The following GRIK2 variants were observed in gnomAD, a reference collection of about 807,000 sequenced individuals.
The protein encoded by GRIK2 is glutamate receptor ionotropic, kainate 2.
A neutral mutation model predicts 100.3 loss-of-function variants in GRIK2; 32 were observed. The observed-to-expected ratio is 0.32, with a 90% CI of 0.24 to 0.43. The LOEUF (loss-of-function observed/expected upper bound fraction) is 0.43. Among genes scored for constraint, GRIK2 ranks in the 20% least tolerant of loss-of-function variants. The pLI, the probability that GRIK2 is intolerant of heterozygous loss-of-function variation, is 1.00. For synonymous variants in GRIK2, 417 were observed against 389.4 expected (o/e 1.07, Z -0.83); for missense variants, 843 against 1,114.9 (o/e 0.76, Z 3.47).
In GRIK2 at chr6:101,506,859, GT is replaced by G. The variant is rs139809070; in HGVS notation, c.115+107468del. Among the ~76,000 whole-genome samples, 243 of 152,220 alleles carry G rather than the reference GT, an allele frequency of 1.6e-3. 1 individual carries two copies. The highest frequency in any genetic ancestry group is 5.6e-3 in the African/African-American group (233 of 41,556). The stretch of plus-strand genomic sequence containing the variant: ...AGGGTTTTATATCAACTTAACCATT[GT>G]GCAAATTTGAGTTTTATCTAAATCA... On this transcript the variant is annotated intron_variant, in intron 2 of 16. Coordinates refer to ENST00000369134, the MANE Select transcript of GRIK2 (RefSeq NM_021956.5).
intron 15 of GRIK2, among the ~76,000 whole-genome samples, chr6:102,045,906 A>G (rs900327680): frequency 6.6e-6 from 1 of 152,096 alleles, no homozygotes; most frequent in Non-Finnish European, 1.5e-5. Flanking sequence ...AAATACATAC[A>G]GTGGCTGCAT....
Position 101,621,997 on chromosome 6 carries a change from T to G in GRIK2, c.164T>G (p.Leu55Arg), listed in dbSNP as rs1443467262. ...VESGPMGAEE[L>R]AFRFAVNTIN... ...TCTGGCCCAATGGGAGCTGAGGAAC[T>G]TGCATTCAGATTTGCTGTGAACACA... The change falls in exon 3 of 17, where the codon CTT becomes CGT. Residue 55 changes from leucine to arginine, a missense_variant. Physicochemically the swap from Leu to Arg is moderately radical, Grantham distance 102. Transcript: ENST00000369134. The G allele has an allele frequency of 6.2e-7, 1 of 1,609,968 alleles. No individual in the cohort carries two copies. Among genetic ancestry groups the G allele is most frequent in the Non-Finnish European group, 8.5e-7 (1 of 1,176,384 alleles).
At chr6:102,014,095 G>A (rs1420500848) in intron 14 of GRIK2, among the ~76,000 whole-genome samples, 1 of 82,074 alleles carries the variant, frequency 1.2e-5, no homozygotes, top group African/African-American at 3.5e-5. Flanking sequence ...ACTTATTACT[G>A]ATTAAATTTT....
chr6:101,494,376 T>C (rs541704266), intron 2 of GRIK2, among the ~76,000 whole-genome samples: 1 of 151,686 alleles, frequency 6.6e-6, no homozygotes, highest in South Asian at 2.1e-4. Flanking sequence ...ATAAATTAAA[T>C]TTAAAAGAGT....
chr6:101,870,974 A>C (rs1785378211), intron 11 of GRIK2, among the ~76,000 whole-genome samples: 1 of 151,858 alleles, frequency 6.6e-6, no homozygotes, highest in East Asian at 1.9e-4. Context: ...AATCCTGCAA[A>C]ATAAACATAC....
intron 2 of GRIK2, among the ~76,000 whole-genome samples, chr6:101,459,703 G>T (rs1421183626): frequency 6.6e-6 from 1 of 151,908 alleles, no homozygotes; most frequent in Non-Finnish European, 1.5e-5. Context: ...AAATATAAAG[G>T]CTCACTCTAG....
chr6:102,006,392 T>TA (rs1562105606), intron 14 of GRIK2, among the ~76,000 whole-genome samples: 1,654 of 96,178 alleles, frequency 0.017, 22 homozygotes, highest in East Asian at 0.068. Context: ...ATATATATAT[T>TA]TTTTTTTTTT....
At chr6:101,845,700 T>A (rs929460680) in intron 10 of GRIK2, among the ~76,000 whole-genome samples, 1 of 152,216 alleles carries the variant, frequency 6.6e-6, no homozygotes, top group South Asian at 2.1e-4. Context: ...CTGAGTTTTA[T>A]GGTAATTCCA....
At chr6:101,839,145 A>C (rs977100083) in intron 10 of GRIK2, among the ~76,000 whole-genome samples, 8 of 152,056 alleles carry the variant, frequency 5.3e-5, no homozygotes, top group Admixed American at 2.6e-4. Flanking sequence ...GTGCCTACAA[A>C]CTTTTAGCAA....
chr6:101,761,502 T>C (rs1488804899), intron 7 of GRIK2, among the ~76,000 whole-genome samples: 1 of 152,134 alleles, frequency 6.6e-6, no homozygotes. Flanking sequence ...ATAGCACACA[T>C]GCTCTATCTC....
chr6:101,527,484 T>G (rs990764139), intron 2 of GRIK2, among the ~76,000 whole-genome samples: 4 of 152,172 alleles, frequency 2.6e-5, no homozygotes, highest in Non-Finnish European at 5.9e-5. Context: ...TCATGAGATA[T>G]TTGGAACTAA....
chr6:101,921,022 A>G (rs183547552), intron 12 of GRIK2, among the ~76,000 whole-genome samples: 5 of 152,182 alleles, frequency 3.3e-5, no homozygotes, highest in Admixed American at 6.6e-5. Context: ...GACAGCCTGA[A>G]CTAGTATAGT....
At chr6:101,405,274 C>T (rs947424621) in intron 2 of GRIK2, among the ~76,000 whole-genome samples, 5 of 151,806 alleles carry the variant, frequency 3.3e-5, no homozygotes, top group African/African-American at 1.2e-4. Context: ...TTCTTCAAAC[C>T]TTTATCATAT....
chr6:101,468,527 A>G (rs1156314644), intron 2 of GRIK2, among the ~76,000 whole-genome samples: 1 of 152,054 alleles, frequency 6.6e-6, no homozygotes, highest in Non-Finnish European at 1.5e-5. Context: ...GTTAGGTTAA[A>G]AAAAAAAAGT....
chr6:101,474,002 C>G (rs1309731846), intron 2 of GRIK2, among the ~76,000 whole-genome samples: 2 of 151,820 alleles, frequency 1.3e-5, no homozygotes, highest in Admixed American at 6.6e-5. Context: ...AGCCACATGT[C>G]TCATTACCTA....
chr6:101,907,326 C>T (rs544487844), intron 12 of GRIK2, among the ~76,000 whole-genome samples: 15 of 151,482 alleles, frequency 9.9e-5, no homozygotes, highest in East Asian at 3.9e-4. Context: ...TGATTAAAAA[C>T]GATAAAAGTG....
Position 102,068,303 on chromosome 6 carries a change from T to C in GRIK2, c.2563-44T>C, listed in dbSNP as rs773741085. The C allele has an allele frequency of 5.1e-6, 7 of 1,386,060 alleles. No individual in the cohort carries two copies. The South Asian group carries it at 8.5e-5, about 17-fold the overall frequency. 85.9% of individuals were successfully genotyped at this position (1,386,060 alleles called of 1,614,324 possible). ...TAATATTGATCTTGGACAGTTACAGTTTATGTATCTTGTAATATTTAATTT... is the reference window on the plus strand; with the variant it reads ...TAATATTGATCTTGGACAGTTACAGCTTATGTATCTTGTAATATTTAATTT... On this transcript the variant is annotated intron_variant, in intron 16 of 16. Coordinates refer to ENST00000369134, the MANE Select transcript of GRIK2 (RefSeq NM_021956.5).
intron 2 of GRIK2, among the ~76,000 whole-genome samples, chr6:101,515,522 C>CTGCTGGGA (rs1774541688): frequency 6.6e-6 from 1 of 152,150 alleles, no homozygotes; most frequent in South Asian, 2.1e-4. Context: ...TACTAGTTTA[C>CTGCTGGGA]ATTCCCACCA....
At chr6:101,933,610 G>A (rs1195787297) in intron 14 of GRIK2, among the ~76,000 whole-genome samples, 1 of 151,822 alleles carries the variant, frequency 6.6e-6, no homozygotes, top group Non-Finnish European at 1.5e-5. Context: ...TCTGCTATGT[G>A]TGCCCTAAAT....
Sources: gnomAD v4.1 joint callset for allele counts (sites outside exome capture counted in the v4.1 genomes callset) on GRCh38, gnomAD v4.1.1 for gene constraint, MANE v1.5 for transcripts, NCBI Gene and HGNC (gene_info 2026-07-23, HGNC 2026-07-21) for gene names.